PTN: variants seen among roughly 807,000 people sequenced by gnomAD.
PTN encodes the protein pleiotrophin.
PTN carries 18 observed loss-of-function variants against 24.1 expected under a neutral mutation model. The observed-to-expected ratio is 0.75, with a 90% confidence interval of 0.52 to 1.11. The LOEUF (loss-of-function observed/expected upper bound fraction) is 1.11, where lower values mean the gene tolerates loss of function less well. Among genes scored for constraint, PTN ranks in the 50% least tolerant of loss-of-function variants. PTN has a pLI of 0.00. For synonymous variants in PTN, 78 were observed against 68.6 expected (o/e 1.14, Z -0.67); for missense variants, 163 against 198.8 (o/e 0.82, Z 1.08).
intron 1 of PTN, among the ~76,000 whole-genome samples, chr7:137,337,408 G>T (rs1431993394): frequency 6.6e-6 from 1 of 152,004 alleles, no homozygotes; most frequent in Non-Finnish European, 1.5e-5. Flanking sequence ...CTGCATTTCT[G>T]TATCAATTTT....
intron 1 of PTN, among the ~76,000 whole-genome samples, chr7:137,259,158 C>A (rs1181604583): frequency 6.6e-6 from 1 of 152,062 alleles, no homozygotes; most frequent in Non-Finnish European, 1.5e-5. Context: ...AAGAAACCAA[C>A]TTTAGGAGAA....
intron 1 of PTN, among the ~76,000 whole-genome samples, chr7:137,341,525 A>AGT (rs1810534075): frequency 6.6e-6 from 1 of 152,112 alleles, no homozygotes; most frequent in African/African-American, 2.4e-5. Flanking sequence ...ATACCTTATT[A>AGT]CTCTAATTAT....
chr7:137,336,954 C>T (rs906423583), intron 1 of PTN, among the ~76,000 whole-genome samples: 43 of 152,306 alleles, frequency 2.8e-4, no homozygotes, highest in African/African-American at 1.4e-4. Flanking sequence ...TATTTGCTCA[C>T]GGTCACAGAG....
intron 1 of PTN, among the ~76,000 whole-genome samples, chr7:137,333,918 C>T (rs1414700986): frequency 1.3e-5 from 2 of 152,146 alleles, no homozygotes; most frequent in South Asian, 2.1e-4. Context: ...CTTTGACAAA[C>T]CTGAGAAAAA....
chr7:137,327,604 T>G (rs1474671419), intron 1 of PTN, among the ~76,000 whole-genome samples: 2 of 152,112 alleles, frequency 1.3e-5, no homozygotes, highest in African/African-American at 4.8e-5. Flanking sequence ...AAGACCCGCC[T>G]GGGCAATATA....
At chr7:137,336,742 G>A (rs762836978) in intron 1 of PTN, among the ~76,000 whole-genome samples, 12 of 152,122 alleles carry the variant, frequency 7.9e-5, no homozygotes, top group Non-Finnish European at 1.3e-4. Flanking sequence ...AATTCAGGAG[G>A]GGGAAGAAGT....
Position 137,307,317 on chromosome 7 carries a change from C to A in PTN, c.-2+36122G>T, listed in dbSNP as rs1809905600. Among the ~76,000 whole-genome samples the A allele has an allele frequency of 1.3e-5, 2 of 151,986 alleles. 1 individual carries two copies. Among genetic ancestry groups the A allele is most frequent in the Admixed American group, 1.3e-4 (2 of 15,226 alleles). On this transcript the variant is annotated intron_variant, in intron 1 of 4. Transcript: ENST00000348225. The stretch of plus-strand genomic sequence containing the variant: ...CTTTTTAGGGCAACTCAGAAAGGTA[C>A]CTATTCATATTGTACTAGTAAAGTT...
At chr7:137,324,790 T>C (rs1302741079) in intron 1 of PTN, 2 of 152,052 alleles carry the variant, frequency 1.3e-5, no homozygotes, top group South Asian at 2.1e-4. Context: ...TTCTCATCCA[T>C]GGAAAGGGTA....
At chr7:137,280,407 A>G (rs1318540525) in intron 1 of PTN, among the ~76,000 whole-genome samples, 1 of 151,988 alleles carries the variant, frequency 6.6e-6, no homozygotes, top group Non-Finnish European at 1.5e-5. Flanking sequence ...AGGATTTAGT[A>G]TTGCCCAAGG....
intron 1 of PTN, among the ~76,000 whole-genome samples, chr7:137,314,273 T>G (rs1462623920): frequency 6.6e-6 from 1 of 152,172 alleles, no homozygotes; most frequent in Non-Finnish European, 1.5e-5. Context: ...TGCATTAAAG[T>G]GGCCTTAGCA....
chr7:137,237,593 G>A (rs952513207), intron 4 of PTN, among the ~76,000 whole-genome samples: 6 of 151,992 alleles, frequency 3.9e-5, no homozygotes, highest in African/African-American at 7.3e-5. Flanking sequence ...TGTAACTTAG[G>A]TGCTAAGCAA....
At chr7:137,256,065 A>G (rs1298525721) in intron 1 of PTN, among the ~76,000 whole-genome samples, 1 of 152,138 alleles carries the variant, frequency 6.6e-6, no homozygotes, top group East Asian at 1.9e-4. Context: ...AGGGGTTGAG[A>G]TTATTCTTTT....
intron 1 of PTN, among the ~76,000 whole-genome samples, chr7:137,311,699 C>A (rs1248970242): frequency 2.6e-5 from 4 of 152,160 alleles, no homozygotes; most frequent in Non-Finnish European, 4.4e-5. Flanking sequence ...ATGGAATAGT[C>A]AGAACACACA....
At chr7:137,293,213 T>C (rs910921423) in intron 1 of PTN, among the ~76,000 whole-genome samples, 1 of 152,096 alleles carries the variant, frequency 6.6e-6, no homozygotes, top group Non-Finnish European at 1.5e-5. Context: ...GGCCTAAAAC[T>C]GCTCAACAGT....
chr7:137,300,226 A>T (rs956234669), intron 1 of PTN, among the ~76,000 whole-genome samples: 1 of 151,976 alleles, frequency 6.6e-6, no homozygotes, highest in African/African-American at 2.4e-5. Context: ...TGACCATCAG[A>T]GTGGCCTTAG....
chr7:137,322,143 A>G (rs1810173059), intron 1 of PTN, among the ~76,000 whole-genome samples: 1 of 152,144 alleles, frequency 6.6e-6, no homozygotes, highest in African/African-American at 2.4e-5. Flanking sequence ...CTACTTGCTG[A>G]AATTTTGCCT....
At chr7:137,253,166 G>C (rs1325925166) in intron 3 of PTN, among the ~76,000 whole-genome samples, 22 of 152,086 alleles carry the variant, frequency 1.4e-4, no homozygotes, top group Admixed American at 1.4e-3. Context: ...TGACCAACAG[G>C]GTACATTTGG....
chr7:137,301,652 G>A (rs1039995312), intron 1 of PTN, among the ~76,000 whole-genome samples: 2 of 151,870 alleles, frequency 1.3e-5, no homozygotes, highest in African/African-American at 4.8e-5. Context: ...GATTCCCATG[G>A]AAAGTACCAA....
chr7:137,286,698 G>C (rs760803981), intron 1 of PTN, among the ~76,000 whole-genome samples: 1 of 152,110 alleles, frequency 6.6e-6, no homozygotes, highest in Admixed American at 6.5e-5. Flanking sequence ...CACATATAGA[G>C]ATAAGCACCT....
Sources: gnomAD v4.1 joint callset for allele counts (sites outside exome capture counted in the v4.1 genomes callset) on GRCh38, gnomAD v4.1.1 for gene constraint, MANE v1.5 for transcripts, NCBI Gene and HGNC (gene_info 2026-07-23, HGNC 2026-07-21) for gene names.